The following NFATC3 variants were observed in gnomAD, a reference collection of about 807,000 sequenced individuals.
NFATC3 encodes the protein nuclear factor of activated T cells 3.
In NFATC3, 46 loss-of-function variants were observed where a neutral mutation model predicts 98.6. The observed-to-expected ratio is 0.47, with a 90% CI of 0.37 to 0.60. The LOEUF is 0.60. Ranked by LOEUF, NFATC3 falls within the 20% of genes least tolerant of loss-of-function variation. The pLI, the probability that NFATC3 is intolerant of heterozygous loss-of-function variation, is 0.00. For synonymous variants in NFATC3, 512 were observed against 472.2 expected, an observed-to-expected ratio of 1.08 and a Z score of -1.09; for missense variants, 1,256 against 1,295.5, an observed-to-expected ratio of 0.97 and a Z score of 0.47.
chr16:68,130,753 T>C (rs2037073163), intron 3 of NFATC3, among the ~76,000 whole-genome samples: 1 of 152,202 alleles, frequency 6.6e-6, no homozygotes, highest in Non-Finnish European at 1.5e-5. Context: ...CTGTGTTTTC[T>C]TCTAGTAGTT....
intron 9 of NFATC3, among the ~76,000 whole-genome samples, chr16:68,199,356 T>G (rs2040811879): frequency 6.7e-6 from 1 of 149,146 alleles, no homozygotes; most frequent in African/African-American, 2.5e-5. Flanking sequence ...CCTGAGTAGC[T>G]GGGACTACAG....
In NFATC3 at chr16:68,140,993, T is replaced by C. The variant is rs752059766; in HGVS notation, c.1401+14383T>C. On this transcript the variant is annotated intron_variant, in intron 3 of 9. Transcript: ENST00000346183. Reference sequence around the variant, plus strand: ...CTACAATATCCATTATACCACTCTTTATGCCTTTGTGTACCCATAGCTTTG... The same window carrying C: ...CTACAATATCCATTATACCACTCTTCATGCCTTTGTGTACCCATAGCTTTG... Among the ~76,000 whole-genome samples, 39 of 152,314 alleles carry C rather than the reference T, an allele frequency of 2.6e-4. 1 individual carries two copies. Among genetic ancestry groups the C allele is most frequent in the African/African-American group, 3.4e-4 (14 of 41,554 alleles).
intron 2 of NFATC3, among the ~76,000 whole-genome samples, chr16:68,124,431 CTTTTTT>C (rs60875488): frequency 3.1e-5 from 4 of 130,872 alleles, no homozygotes; most frequent in African/African-American, 8.6e-5. Context: ...TCTTTTCTTT[CTTTTTT>C]TTTTTTTTTT....
rs886089236 is a variant in NFATC3 at position 68,199,057 on chromosome 16, A to C, written c.3106+7282A>C. Among the ~76,000 whole-genome samples the C allele has an allele frequency of 2.7e-5, 4 of 150,678 alleles. No individual in the cohort carries two copies. The East Asian group carries it at 8.1e-4, about 31-fold the overall frequency. On this transcript the variant is annotated intron_variant, in intron 9 of 9. Coordinates refer to ENST00000346183, the MANE Select transcript of NFATC3 (RefSeq NM_173165.3). ...GCGAGACTCCATCTCAAAAAGAAAA[A>C]GAAAAAAAATTAGCTGATCATGGTG...
chr16:68,088,516 G>T (rs1219442811), intron 1 of NFATC3, among the ~76,000 whole-genome samples: 1 of 118,258 alleles, frequency 8.5e-6, no homozygotes, highest in African/African-American at 3.6e-5. Context: ...TATATATAAT[G>T]TTTATTATAT....
chr16:68,108,479 G>A (rs1205846190), intron 1 of NFATC3, among the ~76,000 whole-genome samples: 1 of 152,154 alleles, frequency 6.6e-6, no homozygotes, highest in Non-Finnish European at 1.5e-5. Flanking sequence ...GGTTACTGTA[G>A]CCTTGTAGTA....
chr16:68,106,706 G>A (rs2035674936), intron 1 of NFATC3, among the ~76,000 whole-genome samples: 2 of 151,222 alleles, frequency 1.3e-5, no homozygotes, highest in Non-Finnish European at 1.5e-5. Context: ...GATTACAGAC[G>A]TGAGCCACCG....
intron 4 of NFATC3, among the ~76,000 whole-genome samples, chr16:68,165,711 A>C (rs142886030): frequency 2.2e-3 from 329 of 152,234 alleles, no homozygotes; most frequent in Admixed American, 6.2e-3. Context: ...TTGTCTTGCT[A>C]TCCTAGTTCT....
At chr16:68,182,764 C>T (rs1378336704) in intron 7 of NFATC3, among the ~76,000 whole-genome samples, 1 of 152,060 alleles carries the variant, frequency 6.6e-6, no homozygotes, top group African/African-American at 2.4e-5. Context: ...AGTGATCCGC[C>T]CACCTCAGCC....
At chr16:68,185,386 G>A (rs992758664) in intron 8 of NFATC3, among the ~76,000 whole-genome samples, 5 of 152,088 alleles carry the variant, frequency 3.3e-5, no homozygotes, top group Non-Finnish European at 7.4e-5. Flanking sequence ...CAAGGCGGGT[G>A]GTAAGGTATG....
intron 1 of NFATC3, among the ~76,000 whole-genome samples, chr16:68,116,276 G>A (rs2036274283): frequency 6.6e-6 from 1 of 151,766 alleles, no homozygotes; most frequent in Non-Finnish European, 1.5e-5. Context: ...GCTTTCTATA[G>A]CCTACAAACT....
At chr16:68,216,489 A>G (rs141657821) in intron 9 of NFATC3, among the ~76,000 whole-genome samples, 1 of 151,920 alleles carries the variant, frequency 6.6e-6, no homozygotes, top group African/African-American at 2.4e-5. Flanking sequence ...TAGAGGAAAC[A>G]TTGTTATGAC....
intron 9 of NFATC3, among the ~76,000 whole-genome samples, chr16:68,223,208 G>A (rs542249244): frequency 6.6e-6 from 1 of 152,304 alleles, no homozygotes; most frequent in African/African-American, 2.4e-5. Flanking sequence ...ATTATGAATG[G>A]TTAATAAATC....
intron 1 of NFATC3, among the ~76,000 whole-genome samples, chr16:68,119,190 T>A (rs1393012134): frequency 1.3e-5 from 2 of 152,106 alleles, no homozygotes; most frequent in Non-Finnish European, 2.9e-5. Context: ...TAATAATAGT[T>A]CAAGGCTTTA....
chr16:68,152,569 C>T (rs774032480), intron 3 of NFATC3, among the ~76,000 whole-genome samples: 2 of 151,852 alleles, frequency 1.3e-5, no homozygotes, highest in African/African-American at 2.4e-5. Flanking sequence ...GGAGTGTAGT[C>T]GTGCAATCAT....
At position 68,226,370 on chromosome 16, in the gene NFATC3, G is replaced by A. The variant is rs1018223803; in HGVS notation, c.3127G>A (p.Asp1043Asn). The A allele has an allele frequency of 9.6e-6, 15 of 1,570,270 alleles. No homozygotes were observed. Among genetic ancestry groups the A allele is most frequent in the Non-Finnish European group, 1.3e-5 (15 of 1,163,192 alleles). ...TTCAGTGAACGAGATAATTGGGAGA[G>A]ACATGTCCCAGATTTCTGTTTCCCA... ...LDDVNEIIGR[D>N]MSQISVSQGA... Residue 1043 changes from aspartate (D) to asparagine (N), a missense_variant, in exon 10 of 10, where the codon GAC becomes AAC. This residue lies in a region of NFATC3 where 636 missense variants were observed against 617.3 expected (regional missense o/e 1.03). Transcript: ENST00000346183.
intron 9 of NFATC3, chr16:68,200,618 C>G (rs1163076210): frequency 6.6e-6 from 1 of 152,218 alleles, no homozygotes; most frequent in East Asian, 1.9e-4. Flanking sequence ...ACCAAGTTCT[C>G]TTTCAAGTAG....
chr16:68,175,123 A>T (rs952506449), intron 6 of NFATC3, among the ~76,000 whole-genome samples: 4 of 152,266 alleles, frequency 2.6e-5, no homozygotes, highest in Non-Finnish European at 4.4e-5. Flanking sequence ...TACATGCTAC[A>T]GCATGGATAA....
chr16:68,091,954 C>T (rs1567492114), intron 1 of NFATC3, among the ~76,000 whole-genome samples: 1 of 152,124 alleles, frequency 6.6e-6, no homozygotes, highest in Non-Finnish European at 1.5e-5. Flanking sequence ...CAAGAGCAAG[C>T]TTTTTTAAGA....
Sources: allele counts gnomAD v4.1 joint callset (sites outside exome capture counted in the v4.1 genomes callset), GRCh38; gene constraint gnomAD v4.1.1; regional missense constraint gnomAD v4.1.1; transcripts MANE v1.5; gene names NCBI Gene and HGNC (gene_info 2026-07-23, HGNC 2026-07-21).